KHDRBS2: variants seen among roughly 807,000 people sequenced by gnomAD.
KHDRBS2 encodes KH RNA binding domain containing, signal transduction associated 2.
KHDRBS2 carries 26 observed loss-of-function variants against 44.3 expected under a neutral mutation model. That is an observed-to-expected ratio of 0.59 (90% CI 0.43 to 0.81). The LOEUF is 0.81. Ranked by LOEUF, KHDRBS2 falls within the 40% of genes least tolerant of loss-of-function variation. KHDRBS2 has a pLI of 0.00. For synonymous variants in KHDRBS2, 194 were observed against 151.1 expected (o/e 1.28, Z -2.08); for missense variants, 476 against 433.1 (o/e 1.10, Z -0.88).
intron 1 of KHDRBS2, among the ~76,000 whole-genome samples, chr6:62,276,161 C>A (rs1475698610): frequency 6.6e-6 from 1 of 152,124 alleles, no homozygotes; most frequent in Non-Finnish European, 1.5e-5. Flanking sequence ...AAAATCTAAT[C>A]TTTAATGTTT....
At chr6:62,221,141 A>T (rs979605149) in intron 1 of KHDRBS2, among the ~76,000 whole-genome samples, 1 of 151,796 alleles carries the variant, frequency 6.6e-6, no homozygotes. Context: ...AAAAAAAAAG[A>T]TTTTGCCATT....
chr6:62,117,545 T>G (rs183294647), intron 2 of KHDRBS2, among the ~76,000 whole-genome samples: 73 of 152,292 alleles, frequency 4.8e-4, no homozygotes, highest in Admixed American at 1.9e-3. Context: ...TTTTTTCCTA[T>G]TCTGTGTGTT....
chr6:62,281,731 A>G (rs1044843691), intron 1 of KHDRBS2, among the ~76,000 whole-genome samples: 1 of 152,206 alleles, frequency 6.6e-6, no homozygotes, highest in Non-Finnish European at 1.5e-5. Context: ...ATCTTAAAAG[A>G]ACCCTGCCTG....
At chr6:61,924,088 A>G (rs1808532879) in intron 4 of KHDRBS2, among the ~76,000 whole-genome samples, 1 of 152,112 alleles carries the variant, frequency 6.6e-6, no homozygotes, top group African/African-American at 2.4e-5. Context: ...TCTGGCAACA[A>G]CATTAAAGAC....
chr6:61,664,164 A>G, the KHDRBS2 span, among the ~76,000 whole-genome samples: 7 of 151,820 alleles, frequency 4.6e-5, no homozygotes, highest in African/African-American at 1.2e-4. Context: ...TATAAAAGCT[A>G]GCATTTTAAA....
At chr6:61,806,962 A>G (rs904229221) in intron 6 of KHDRBS2, among the ~76,000 whole-genome samples, 7 of 151,976 alleles carry the variant, frequency 4.6e-5, no homozygotes, top group Non-Finnish European at 7.4e-5. Context: ...TTTTTTTAGG[A>G]TGAAAAGTCT....
At chr6:61,685,514 G>A (rs1766720315) in intron 8 of KHDRBS2, among the ~76,000 whole-genome samples, 1 of 151,804 alleles carries the variant, frequency 6.6e-6, no homozygotes, top group Non-Finnish European at 1.5e-5. Context: ...CATGTATACA[G>A]TATATGTCAA....
intron 3 of KHDRBS2, among the ~76,000 whole-genome samples, chr6:62,031,885 A>C (rs1440026953): frequency 6.6e-6 from 1 of 152,046 alleles, no homozygotes; most frequent in East Asian, 1.9e-4. Flanking sequence ...CCTTGAACAA[A>C]CATAGGCAGT....
intron 2 of KHDRBS2, among the ~76,000 whole-genome samples, chr6:62,173,278 C>G (rs985619759): frequency 2.7e-5 from 4 of 150,824 alleles, no homozygotes; most frequent in African/African-American, 9.7e-5. Flanking sequence ...CACAGAAATA[C>G]AAAAACCTTC....
chr6:61,611,156 AC>A, the KHDRBS2 span, among the ~76,000 whole-genome samples: 2 of 152,296 alleles, frequency 1.3e-5, no homozygotes, highest in African/African-American at 4.8e-5. Flanking sequence ...TGACATGTAA[AC>A]CCTGTATAAA....
the KHDRBS2 span, among the ~76,000 whole-genome samples, chr6:61,621,523 GC>G: frequency 1.3e-5 from 2 of 152,142 alleles, no homozygotes; most frequent in African/African-American, 4.8e-5. Context: ...TCAATTAAGA[GC>G]TCCGGAGACA....
chr6:62,017,631 T>A (rs116433756), intron 3 of KHDRBS2, among the ~76,000 whole-genome samples: 2,763 of 152,178 alleles, frequency 0.018, 41 homozygotes, highest in Non-Finnish European at 0.026. Flanking sequence ...TGAGATGATC[T>A]TTTTTCCCCA....
At chr6:62,206,882 C>A (rs1431144303) in intron 1 of KHDRBS2, among the ~76,000 whole-genome samples, 2 of 152,006 alleles carry the variant, frequency 1.3e-5, no homozygotes, top group East Asian at 3.9e-4. Flanking sequence ...AGTAAAAATT[C>A]CTTAATTTGT....
At chr6:62,122,361 T>C (rs553914460) in intron 2 of KHDRBS2, among the ~76,000 whole-genome samples, 1 of 152,302 alleles carries the variant, frequency 6.6e-6, no homozygotes, top group Admixed American at 6.5e-5. Flanking sequence ...AATGTTTGAC[T>C]ATGGGTCATC....
chr6:61,577,134 T>TG, the KHDRBS2 span, among the ~76,000 whole-genome samples: 11 of 83,726 alleles, frequency 1.3e-4, no homozygotes, highest in South Asian at 2.8e-4. Context: ...TCAGTTTTTG[T>TG]TTTTTTTGTT....
the KHDRBS2 span, among the ~76,000 whole-genome samples, chr6:61,648,741 C>CT: frequency 1.3e-5 from 2 of 152,060 alleles, no homozygotes; most frequent in Non-Finnish European, 2.9e-5. Context: ...AACGTGTGGC[C>CT]TGAGTAAAAT....
At chr6:61,808,211 A>G (rs1787478089) in intron 6 of KHDRBS2, among the ~76,000 whole-genome samples, 1 of 152,112 alleles carries the variant, frequency 6.6e-6, no homozygotes, top group Non-Finnish European at 1.5e-5. Context: ...TATGAAACTG[A>G]TTAATCTTAA....
the KHDRBS2 span, among the ~76,000 whole-genome samples, chr6:61,652,737 G>C: frequency 6.6e-6 from 1 of 152,044 alleles, no homozygotes; most frequent in Non-Finnish European, 1.5e-5. Context: ...GAACCACCCA[G>C]AGCTGTGTCC....
chr6:61,912,708 C>A (rs1007945404), intron 4 of KHDRBS2, among the ~76,000 whole-genome samples: 1 of 152,148 alleles, frequency 6.6e-6, no homozygotes, highest in East Asian at 1.9e-4. Context: ...TGCAAGAGCA[C>A]TACAGTCAGC....
Sources: allele counts gnomAD v4.1 joint callset (sites outside exome capture counted in the v4.1 genomes callset), GRCh38; gene constraint gnomAD v4.1.1; transcripts MANE v1.5; gene names NCBI Gene and HGNC (gene_info 2026-07-23, HGNC 2026-07-21).